The following KCNIP1 variants were observed in gnomAD, a reference collection of about 807,000 sequenced individuals.
KCNIP1 encodes potassium voltage-gated channel interacting protein 1, also known as A-type potassium channel modulatory protein KCNIP1.
A neutral mutation model predicts 33.0 loss-of-function variants in KCNIP1; 18 were observed. The ratio of observed to expected loss-of-function variants is 0.55; its 90% confidence interval spans 0.38 to 0.81. The LOEUF (loss-of-function observed/expected upper bound fraction) is 0.81. KCNIP1 is among the 30% of genes least tolerant of loss of function. The pLI is 0.00. For missense variants in KCNIP1, 238 were observed against 271.6 expected, an observed-to-expected ratio of 0.88 and a Z score of 0.87; for synonymous variants, 93 against 98.3, an observed-to-expected ratio of 0.95 and a Z score of 0.32.
intron 1 of KCNIP1, chr5:170,384,001 T>A (rs550049045): frequency 2.7e-6 from 2 of 737,136 alleles, no homozygotes; most frequent in Admixed American, 5.2e-5. Flanking sequence ...TAAAGGCACA[T>A]GACCCCACAG....
intron 1 of KCNIP1, among the ~76,000 whole-genome samples, chr5:170,670,588 C>T (rs1251845135): frequency 1.3e-5 from 2 of 152,158 alleles, no homozygotes; most frequent in East Asian, 3.9e-4. Context: ...GCAGGAGCTC[C>T]TGCTTTGGAA....
intron 1 of KCNIP1, among the ~76,000 whole-genome samples, chr5:170,447,377 C>G (rs1200397172): frequency 6.6e-6 from 1 of 152,196 alleles, no homozygotes; most frequent in East Asian, 1.9e-4. Context: ...CATCATAAAG[C>G]TGGAAATGCC....
intron 1 of KCNIP1, among the ~76,000 whole-genome samples, chr5:170,384,670 G>A (rs530020968): frequency 2.4e-4 from 37 of 152,352 alleles, no homozygotes; most frequent in Admixed American, 1.2e-3. Context: ...CTAAGGACAG[G>A]CTGGGGGAAC....
At chr5:170,453,301 C>A (rs992637307) in intron 1 of KCNIP1, among the ~76,000 whole-genome samples, 1 of 152,142 alleles carries the variant, frequency 6.6e-6, no homozygotes, top group South Asian at 2.1e-4. Flanking sequence ...AGAGAAGTGG[C>A]CTCTATTTCA....
At position 170,703,637 on chromosome 5, in the gene KCNIP1, A is replaced by G. The variant is rs112530425; in HGVS notation, c.62-15121A>G. 1.1e-3 allele frequency among the ~76,000 whole-genome samples: 154 copies of G among 137,566 alleles called. 24 individuals are homozygous for G. Among genetic ancestry groups the G allele is most frequent in the African/African-American group, 4.0e-3 (151 of 37,620 alleles). 90.2% of individuals were successfully genotyped at this position (137,566 alleles called of 152,430 possible). A position where few individuals can be genotyped will look rare whatever the true frequency, so the allele number is the denominator to read the frequency against. On this transcript the variant is annotated intron_variant, in intron 1 of 7. Transcript: ENST00000328939. ...AAAAAAAATTAATTTAAAAAATAAA[A>G]GAAGTGAAACAACAGTACCCTGTGG...
chr5:170,414,825 G>A (rs1338671870), intron 1 of KCNIP1, among the ~76,000 whole-genome samples: 1 of 152,166 alleles, frequency 6.6e-6, no homozygotes, highest in African/African-American at 2.4e-5. Context: ...CGTATTCTTT[G>A]GGGTATAAAT....
chr5:170,699,181 G>GT (rs1392357697), intron 1 of KCNIP1, among the ~76,000 whole-genome samples: 6 of 152,228 alleles, frequency 3.9e-5, no homozygotes, highest in Admixed American at 1.3e-4. Context: ...AAAAAAGAAC[G>GT]TAACAGCCAT....
chr5:170,596,388 C>A (rs1200856952), intron 1 of KCNIP1, among the ~76,000 whole-genome samples: 2 of 152,214 alleles, frequency 1.3e-5, no homozygotes, highest in African/African-American at 4.8e-5. Flanking sequence ...GGAGAAACTC[C>A]TTCCTTAGAG....
chr5:170,640,938 T>C (rs1041305474), intron 1 of KCNIP1, among the ~76,000 whole-genome samples: 2 of 152,044 alleles, frequency 1.3e-5, no homozygotes, highest in Non-Finnish European at 2.9e-5. Context: ...GAACCAAAAC[T>C]CCACCCCAGA....
At position 170,618,977 on chromosome 5, in the gene KCNIP1, C is replaced by A. The variant is rs74762960; in HGVS notation, c.62-99781C>A. 7.3e-4 allele frequency among the ~76,000 whole-genome samples: 111 copies of A among 152,230 alleles called. 4 individuals are homozygous for A. In the East Asian group the frequency reaches 0.02, roughly 28 times the overall value. Reference sequence around the variant, plus strand: ...TGGGGACCCTCCCAAGCTCTCAGAGCTTTGGAAGGAAGGTCCCTGCAGGGA... The same window carrying A: ...TGGGGACCCTCCCAAGCTCTCAGAGATTTGGAAGGAAGGTCCCTGCAGGGA... On this transcript the variant is annotated intron_variant, in intron 1 of 7. Coordinates refer to ENST00000328939, the MANE Select transcript of KCNIP1 (RefSeq NM_014592.4).
chr5:170,642,791 C>T (rs7726297), intron 1 of KCNIP1, among the ~76,000 whole-genome samples: 2,126 of 152,294 alleles, frequency 0.014, 48 homozygotes, highest in East Asian at 0.073. Flanking sequence ...AACCAATATT[C>T]CACATAATGC....
intron 1 of KCNIP1, among the ~76,000 whole-genome samples, chr5:170,430,289 C>T (rs1312897385): frequency 2.0e-5 from 3 of 152,236 alleles, no homozygotes; most frequent in Admixed American, 2.0e-4. Context: ...GCCCCCATTC[C>T]ATTTATGGTC....
intron 1 of KCNIP1, among the ~76,000 whole-genome samples, chr5:170,520,939 C>T (rs760324966): frequency 2.6e-5 from 4 of 152,214 alleles, no homozygotes; most frequent in Non-Finnish European, 5.9e-5. Flanking sequence ...TCAGATCCTT[C>T]GTCTGCAAAA....
chr5:170,635,107 G>A (rs980499419), intron 1 of KCNIP1, among the ~76,000 whole-genome samples: 9 of 152,138 alleles, frequency 5.9e-5, no homozygotes, highest in African/African-American at 1.7e-4. Flanking sequence ...TCCACTCACC[G>A]CAATCTCCGC....
intron 1 of KCNIP1, among the ~76,000 whole-genome samples, chr5:170,412,647 G>A (rs1219808333): frequency 1.3e-5 from 2 of 152,162 alleles, no homozygotes; most frequent in African/African-American, 2.4e-5. Flanking sequence ...TTGCAGTGCT[G>A]TCTTGGGTGG....
At chr5:170,420,779 T>C (rs1033030578) in intron 1 of KCNIP1, among the ~76,000 whole-genome samples, 1 of 151,972 alleles carries the variant, frequency 6.6e-6, no homozygotes, top group Non-Finnish European at 1.5e-5. Flanking sequence ...CAATAGGAAA[T>C]AGTCATTCAT....
intron 1 of KCNIP1, among the ~76,000 whole-genome samples, chr5:170,600,117 G>T (rs1370370461): frequency 6.6e-6 from 1 of 152,324 alleles, no homozygotes; most frequent in African/African-American, 2.4e-5. Context: ...AGCCCAGAAA[G>T]GTCAATTAAC....
At chr5:170,513,298 G>A (rs1375112104) in intron 1 of KCNIP1, among the ~76,000 whole-genome samples, 1 of 152,134 alleles carries the variant, frequency 6.6e-6, no homozygotes, top group East Asian at 1.9e-4. Flanking sequence ...TGAGTGGTTT[G>A]CCCACAATCA....
At chr5:170,353,922 G>T in exon 1 of KCNIP1, 2 of 1,614,208 alleles carry the variant, frequency 1.2e-6, no homozygotes, top group Non-Finnish European at 1.7e-6. Flanking sequence ...CGTGAAATTT[G>T]CCCAGACCAT....
Sources: allele counts gnomAD v4.1 joint callset (sites outside exome capture counted in the v4.1 genomes callset), GRCh38; gene constraint gnomAD v4.1.1; transcripts MANE v1.5; gene names NCBI Gene and HGNC (gene_info 2026-07-23, HGNC 2026-07-21).